Variants in TMC6 observed in about 807,000 individuals in gnomAD.
TMC6 encodes transmembrane channel like 6, also known as transmembrane channel-like protein 6.
A neutral mutation model predicts 95.4 loss-of-function variants in TMC6; 71 were observed. That is an observed-to-expected ratio of 0.74 (90% confidence interval 0.61 to 0.91). The LOEUF (loss-of-function observed/expected upper bound fraction) is 0.91, where lower values mean the gene tolerates loss of function less well. Ranked by LOEUF, TMC6 falls within the 40% of genes least tolerant of loss-of-function variation. The probability of loss-of-function intolerance (pLI) is 0.00; values close to 1 mark genes in which losing one functional copy is unlikely to be tolerated. For missense variants in TMC6, 1,074 were observed against 1,079.1 expected, an observed-to-expected ratio of 1.00 and a Z score of 0.07; for synonymous variants, 514 against 483.1, an observed-to-expected ratio of 1.06 and a Z score of -0.84.
chr17:78,123,966 G>A (rs773937731), intron 9 of TMC6, 23 bp downstream of exon 9: 1 of 1,613,134 alleles, frequency 6.2e-7, no homozygotes, highest in East Asian at 2.2e-5. Context: ...CTCGGAGCCT[G>A]GGTCATGAGG....
At chr17:78,132,374 G>A, upstream of TMC6, 1 of 1,613,094 alleles carries the variant, frequency 6.2e-7, no homozygotes, top group South Asian at 1.1e-5. Context: ...TTCGGCACAG[G>A]AATTCGGTCC....
Position 78,121,588 on chromosome 17 carries a change from C to G in TMC6, c.1351G>C (p.Ala451Pro), listed in dbSNP as rs775856505. ...CLGTALGCAVAVHVFSEFMIQ... is the reference protein window; with the variant it reads ...CLGTALGCAVPVHVFSEFMIQ... ...ATGAACTCCGAGAAGACGTGGACGG[C>G]CACGGCGCAGCCCAGCGCGGTCCCC... The change falls in exon 11 of 20, where the codon GCC becomes CCC. Residue 451 changes from alanine (A) to proline (P), a missense_variant. Transcript: ENST00000590602. This position sits in a 1 kb window ranked among gnomAD's most constrained non-coding sequence, Gnocchi z 5.6. 5 of 1,611,566 alleles carry G rather than the reference C, an allele frequency of 3.1e-6. No homozygotes were observed. In the South Asian group the frequency reaches 5.5e-5, roughly 18 times the overall value.
chr17:78,125,439 G>A (rs2074658033), intron 5 of TMC6, among the ~76,000 whole-genome samples, 176 bp from the exon 6 acceptor site: 1 of 152,216 alleles, frequency 6.6e-6, no homozygotes, highest in East Asian at 1.9e-4. Flanking sequence ...GCGACAAGCA[G>A]GAAGCTCACA....
At chr17:78,114,195 G>A (rs1410626876) in intron 18 of TMC6, among the ~76,000 whole-genome samples, 1 of 152,064 alleles carries the variant, frequency 6.6e-6, no homozygotes, top group Non-Finnish European at 1.5e-5. Context: ...CCAACTTCTA[G>A]AGGCCCCTGG....
intron 9 of TMC6, chr17:78,123,190 A>C (rs1286247988): frequency 3.1e-6 from 1 of 321,242 alleles, no homozygotes. Flanking sequence ...TGCTCCCATA[A>C]CACTGGGGAA....
At chr17:78,129,685 G>T (rs2074909621), upstream of TMC6, among the ~76,000 whole-genome samples, 1 of 152,190 alleles carries the variant, frequency 6.6e-6, no homozygotes, top group Non-Finnish European at 1.5e-5. The surrounding 1 kb of genome is among the most constrained non-coding windows in gnomAD (Gnocchi z 4.3). Context: ...TTTTGGAGCT[G>T]CCAGTGTGGT....
At chr17:78,124,387 G>T in intron 8 of TMC6, 137 bp downstream of exon 8, 1 of 1,438,638 alleles carries the variant, frequency 7.0e-7, no homozygotes, top group East Asian at 2.4e-5. Context: ...GGGGAGGCGG[G>T]GAGCTGGCTG....
chr17:78,126,301 C>T lies in TMC6; in HGVS notation c.247G>A (p.Ala83Thr). Residue 83 changes from alanine to threonine, a missense_variant, in exon 4 of 20, where the codon GCC becomes ACC. By Grantham distance (58) the Ala-to-Thr change is moderately conservative. Coordinates refer to ENST00000590602, the MANE Select transcript of TMC6 (RefSeq NM_001127198.5). Reference protein sequence around the residue: ...TQSTATLRILASMPSRTIGRS... With the variant: ...TQSTATLRILTSMPSRTIGRS... The stretch of plus-strand genomic sequence containing the variant: ...CCAATGGTGCGGCTGGGCATGCTGG[C>T]CAGGATGCGGAGTGTGGCCGTGCTC... 1 of 1,564,798 alleles carries T rather than the reference C, an allele frequency of 6.4e-7. No individual in the cohort carries two copies.
At chr17:78,114,602 C>T (rs566933630) in intron 18 of TMC6, among the ~76,000 whole-genome samples, 49 of 152,196 alleles carry the variant, frequency 3.2e-4, no homozygotes, top group East Asian at 5.8e-4. Flanking sequence ...ATTCCCCGCC[C>T]GGAGCTTCAC....
chr17:78,115,650 T>G (rs2074047626), intron 18 of TMC6, among the ~76,000 whole-genome samples: 6 of 132,372 alleles, frequency 4.5e-5, no homozygotes, highest in South Asian at 2.5e-4. Context: ...GCGAAGGGAG[T>G]GGGCACAGGG....
At chr17:78,130,526 T>C (rs453922), upstream of TMC6, 99,958 of 152,274 alleles carry the variant, frequency 0.66, 33,433 homozygotes, top group Middle Eastern at 0.79. Context: ...ACCCTAGGGC[T>C]GCAGGAGACC....
In TMC6 at chr17:78,124,014, T is replaced by C; in HGVS notation, c.1057A>G (p.Ile353Val). The C allele has an allele frequency of 6.2e-7, 1 of 1,613,790 alleles. No homozygotes were observed. Among genetic ancestry groups the C allele is most frequent in the Non-Finnish European group, 8.5e-7 (1 of 1,179,982 alleles). The part of the protein sequence containing the change: ...YLSTVGVSFF[I>V]TCITLVYSMA... The stretch of plus-strand genomic sequence containing the variant: ...CTGTACACCAGGGTGATGCAGGTGA[T>C]AAAGAAGCTCACGCCCACAGTGGAG... Residue 353 changes from isoleucine (I) to valine (V), a missense_variant, in exon 9 of 20, where the codon ATC (isoleucine) becomes GTC (valine). By Grantham distance (29) the Ile-to-Val change is conservative (BLOSUM62 3). Transcript: ENST00000590602.
intron 13 of TMC6, chr17:78,119,830 T>A: frequency 2.7e-6 from 1 of 366,246 alleles, no homozygotes; most frequent in South Asian, 2.2e-5. Context: ...TTTATTTCTT[T>A]AGAGACAAGG....
chr17:78,122,413 G>T lies in TMC6; in HGVS notation c.1227+192C>A. On this transcript the variant is annotated intron_variant, in intron 10 of 19. Coordinates refer to ENST00000590602, the MANE Select transcript of TMC6 (RefSeq NM_001127198.5). This position sits in a 1 kb window ranked among gnomAD's most constrained non-coding sequence, Gnocchi z 4.9. ...GAGGCAGCCCCTAACTGATGGGTGT[G>T]TGCCAGAGAAAAACTCAGGGCCTGC... is the stretch of plus-strand genomic sequence containing the variant. The T allele has an allele frequency of 1.2e-6, 1 of 807,254 alleles. No homozygotes were observed. Among genetic ancestry groups the T allele is most frequent in the Non-Finnish European group, 1.9e-6 (1 of 523,112 alleles). The allele number at this position is 807,254 out of a possible 1,614,324, so 50.0% of individuals were successfully genotyped here. A position where few individuals can be genotyped will look rare whatever the true frequency, so the allele number is the denominator to read the frequency against.
chr17:78,109,284 G>C lies in TMC6; in HGVS notation c.*3864C>G, dbSNP rs2073776738. ...GAGCCCCGACTGAGTGTTCAGTGAA[G>C]AGGGAAAACAGAGACAGTGGGGCAT... On this transcript the variant is annotated 3_prime_UTR_variant, in exon 20 of 20. Transcript: ENST00000590602. The C allele has an allele frequency of 2.8e-6, 1 of 361,850 alleles. No homozygotes were observed. Among genetic ancestry groups the C allele is most frequent in the Non-Finnish European group, 5.5e-6 (1 of 180,486 alleles). The allele number at this position is 361,850 out of a possible 1,614,324, so 22.4% of individuals were successfully genotyped here.
intron 1 of TMC6, among the ~76,000 whole-genome samples, chr17:78,127,489 GCATTC>G (rs1418089520): frequency 6.6e-6 from 1 of 152,226 alleles, no homozygotes; most frequent in Non-Finnish European, 1.5e-5. Flanking sequence ...CCACTGCCCT[GCATTC>G]CATCATCCCA....
At chr17:78,114,801 C>G (rs1304056565) in intron 18 of TMC6, among the ~76,000 whole-genome samples, 1 of 152,206 alleles carries the variant, frequency 6.6e-6, no homozygotes, top group Non-Finnish European at 1.5e-5. Flanking sequence ...CCATGCCGAC[C>G]TGCACGGGGA....
chr17:78,130,544 G>A (rs1331932434), upstream of TMC6: 3 of 152,344 alleles, frequency 2.0e-5, no homozygotes, highest in Admixed American at 2.0e-4. Context: ...ACCAGGCCCT[G>A]ACTCCTGTGC....
chr17:78,127,591 G>T (rs140981689), intron 1 of TMC6, among the ~76,000 whole-genome samples: 8 of 152,360 alleles, frequency 5.3e-5, no homozygotes, highest in Middle Eastern at 3.4e-3. Context: ...AACCAGAGCA[G>T]CCTTGTCTGG....
Sources: allele counts gnomAD v4.1 joint callset (sites outside exome capture counted in the v4.1 genomes callset), GRCh38; gene constraint gnomAD v4.1.1; non-coding constraint Gnocchi (gnomAD v3.1); transcripts MANE v1.5; gene names NCBI Gene and HGNC (gene_info 2026-07-23, HGNC 2026-07-21).